PKN2: variants seen among roughly 807,000 people sequenced by gnomAD.
PKN2 encodes the protein protein kinase N2.
A neutral mutation model predicts 119.1 loss-of-function variants in PKN2; 38 were observed. That is an observed-to-expected ratio of 0.32 (90% CI 0.25 to 0.42). PKN2 has a LOEUF of 0.42. Ranked by LOEUF, PKN2 falls within the 10% of genes least tolerant of loss-of-function variation. PKN2 has a pLI of 1.00. For missense variants in PKN2, 850 were observed against 1,165.1 expected, an observed-to-expected ratio of 0.73 and a Z score of 3.94; for synonymous variants, 390 against 384.9, an observed-to-expected ratio of 1.01 and a Z score of -0.15.
intron 1 of PKN2, among the ~76,000 whole-genome samples, chr1:88,728,799 G>A (rs905893927): frequency 8.6e-5 from 13 of 151,660 alleles, no homozygotes; most frequent in African/African-American, 2.9e-4. Flanking sequence ...AGTTGGAGAC[G>A]TCATTATGAA....
intron 15 of PKN2, among the ~76,000 whole-genome samples, chr1:88,808,446 C>G (rs1449473042): frequency 2.0e-5 from 3 of 152,054 alleles, no homozygotes; most frequent in African/African-American, 7.2e-5. Flanking sequence ...GCTGGGACTA[C>G]AGACGCATGC....
intron 4 of PKN2, among the ~76,000 whole-genome samples, chr1:88,771,170 C>G (rs1669880698): frequency 6.6e-6 from 1 of 151,710 alleles, no homozygotes; most frequent in African/African-American, 2.4e-5. Context: ...TTTCGGTCTC[C>G]CCATGTTACA....
intron 6 of PKN2, among the ~76,000 whole-genome samples, chr1:88,782,411 C>T (rs555487048): frequency 3.3e-5 from 5 of 151,440 alleles, no homozygotes; most frequent in East Asian, 3.9e-4. Context: ...TTTGTGTCTC[C>T]GATTCTTTCT....
chr1:88,771,322 T>C (rs1669885730), intron 4 of PKN2, 99 bp from the exon 5 acceptor site: 2 of 795,960 alleles, frequency 2.5e-6, no homozygotes, highest in South Asian at 2.1e-5. Flanking sequence ...GACTAAGTTA[T>C]TGTAATGTTA....
intron 13 of PKN2, 28 bp downstream of exon 13, chr1:88,807,471 C>A (rs749251034): frequency 1.2e-6 from 2 of 1,605,616 alleles, no homozygotes; most frequent in Non-Finnish European, 1.7e-6. Flanking sequence ...AATTTTGCGA[C>A]TACATGTTTG....
chr1:88,804,756 A>G, intron 9 of PKN2, 90 bp from the exon 10 acceptor site: 1 of 800,074 alleles, frequency 1.2e-6, no homozygotes, highest in Admixed American at 2.7e-5. Context: ...AACTGTAACT[A>G]AGATTCTCTT....
chr1:88,776,145 A>C (rs1670089563), intron 6 of PKN2, among the ~76,000 whole-genome samples: 1 of 150,108 alleles, frequency 6.7e-6, no homozygotes, highest in South Asian at 2.1e-4. Context: ...ATATTTACTT[A>C]TGTAGTTAAT....
chr1:88,685,543 C>T (rs1265024916), intron 1 of PKN2, among the ~76,000 whole-genome samples: 1 of 152,100 alleles, frequency 6.6e-6, no homozygotes, highest in African/African-American at 2.4e-5. Context: ...AATGTAGGCA[C>T]GATTTTCTTT....
intron 8 of PKN2, among the ~76,000 whole-genome samples, chr1:88,795,358 C>T (rs534288129): frequency 6.6e-6 from 1 of 152,256 alleles, no homozygotes; most frequent in South Asian, 2.1e-4. Context: ...CTTCTGATAT[C>T]TTATTCTTGT....
intron 4 of PKN2, among the ~76,000 whole-genome samples, chr1:88,771,215 T>C (rs917960061): frequency 1.3e-5 from 2 of 152,210 alleles, no homozygotes; most frequent in African/African-American, 4.8e-5. Flanking sequence ...AAATCTTTTT[T>C]TCAGATTTGT....
chr1:88,700,854 ATAAC>A (rs1445099890), intron 1 of PKN2, among the ~76,000 whole-genome samples: 1 of 152,226 alleles, frequency 6.6e-6, no homozygotes, highest in Non-Finnish European at 1.5e-5. Context: ...TGTTGAGTAA[ATAAC>A]AGTCTAATGT....
Position 88,807,609 on chromosome 1 carries a change from T to C in PKN2, c.2010+5T>C. On this transcript the variant is annotated splice_donor_5th_base_variant and intron_variant, in intron 14 of 21. Transcript: ENST00000370521. ...GGAAGAGGACATTTTGGAAAGGTAA[T>C]CTTTTTGGAATTTTTTGGAATATCT... 3 of 1,605,642 alleles carry C rather than the reference T, an allele frequency of 1.9e-6. No homozygotes were observed. Among genetic ancestry groups the C allele is most frequent in the Non-Finnish European group, 2.6e-6 (3 of 1,174,552 alleles).
chr1:88,817,158 C>T (rs932024117), intron 16 of PKN2, among the ~76,000 whole-genome samples: 1 of 152,154 alleles, frequency 6.6e-6, no homozygotes, highest in African/African-American at 2.4e-5. Context: ...CAGTAAAACA[C>T]TGGCAAACCA....
At chr1:88,705,292 A>G (rs905625054) in intron 1 of PKN2, among the ~76,000 whole-genome samples, 1 of 152,048 alleles carries the variant, frequency 6.6e-6, no homozygotes, top group Non-Finnish European at 1.5e-5. Context: ...TAGGTTTTAC[A>G]TTTAGTTTTA....
intron 8 of PKN2, among the ~76,000 whole-genome samples, chr1:88,789,589 G>A (rs755571363): frequency 1.3e-4 from 20 of 151,928 alleles, no homozygotes; most frequent in Admixed American, 1.0e-3. Context: ...CTTAAACCCC[G>A]GAGGCAGAGG....
chr1:88,783,643 T>A (rs1670446509), intron 6 of PKN2, among the ~76,000 whole-genome samples: 1 of 152,354 alleles, frequency 6.6e-6, no homozygotes, highest in Non-Finnish European at 1.5e-5. Flanking sequence ...TAAAATGTTA[T>A]TCATTGTACA....
intron 1 of PKN2, among the ~76,000 whole-genome samples, chr1:88,721,992 T>C (rs1464421922): frequency 6.6e-6 from 1 of 152,200 alleles, no homozygotes; most frequent in East Asian, 1.9e-4. Context: ...TCCATATACA[T>C]GCAACAGATT....
At chr1:88,726,542 T>C (rs912560177) in intron 1 of PKN2, among the ~76,000 whole-genome samples, 1 of 152,190 alleles carries the variant, frequency 6.6e-6, no homozygotes, top group Non-Finnish European at 1.5e-5. Context: ...TTGTATTGTA[T>C]AATTCTTTTT....
Position 88,803,524 on chromosome 1 carries a change from T to C in PKN2, c.1282-867T>C, listed in dbSNP as rs1557622539. On this transcript the variant is annotated intron_variant, in intron 8 of 21. Transcript: ENST00000370521. ...AGTCCAGTACTTTATGATTAAAATG[T>C]ATATACGTTAAAACATATAGGTAGA... 2.0e-5 allele frequency among the ~76,000 whole-genome samples: 3 copies of C among 152,200 alleles called. No individual in the cohort carries two copies. The South Asian group carries it at 6.2e-4, about 32-fold the overall frequency.
Sources: allele counts gnomAD v4.1 joint callset (sites outside exome capture counted in the v4.1 genomes callset), GRCh38; gene constraint gnomAD v4.1.1; transcripts MANE v1.5; gene names NCBI Gene and HGNC (gene_info 2026-07-23, HGNC 2026-07-21).